HSPA12A: variants seen among roughly 807,000 people sequenced by gnomAD.
The protein encoded by HSPA12A is heat shock 70 kDa protein 12A.
A neutral mutation model predicts 69.2 loss-of-function variants in HSPA12A; 28 were observed. That is an observed-to-expected ratio of 0.40 (90% CI 0.30 to 0.55). The LOEUF (loss-of-function observed/expected upper bound fraction) is 0.55, where lower values mean the gene tolerates loss of function less well. Ranked by LOEUF, HSPA12A falls within the 20% of genes least tolerant of loss-of-function variation. The pLI is 0.38. For missense variants in HSPA12A, 686 were observed against 900.7 expected (o/e 0.76, Z 3.05); for synonymous variants, 345 against 370.5 (o/e 0.93, Z 0.79).
chr10:116,833,220 C>T (rs1223415699), intron 2 of HSPA12A: 1 of 152,226 alleles, frequency 6.6e-6, no homozygotes, highest in Non-Finnish European at 1.5e-5. Flanking sequence ...TTTGTGTGTG[C>T]TCAAGTGCTG....
chr10:116,679,424 C>T, intron 10 of HSPA12A, 79 bp downstream of exon 10: 1 of 1,549,522 alleles, frequency 6.5e-7, no homozygotes, highest in Non-Finnish European at 8.8e-7. Flanking sequence ...AACCCGAAGT[C>T]CACACTTCGC....
At chr10:116,785,043 G>A (rs546492792) in intron 2 of HSPA12A, among the ~76,000 whole-genome samples, 1 of 152,236 alleles carries the variant, frequency 6.6e-6, no homozygotes, top group East Asian at 1.9e-4. Flanking sequence ...CTAATAACAA[G>A]TTGAGGACCA....
upstream of HSPA12A, among the ~76,000 whole-genome samples, chr10:116,743,749 GC>G: frequency 6.6e-6 from 1 of 152,258 alleles, no homozygotes; most frequent in Admixed American, 6.5e-5. Flanking sequence ...TGCTGCGAGA[GC>G]CTGGAGACCA....
intron 2 of HSPA12A, among the ~76,000 whole-genome samples, chr10:116,754,265 C>G (rs924997001): frequency 1.1e-4 from 16 of 152,120 alleles, no homozygotes; most frequent in African/African-American, 3.4e-4. Context: ...ACCCATCCCC[C>G]CTCAGCTCAC....
At chr10:116,709,530 G>A (rs548522672) in intron 1 of HSPA12A, among the ~76,000 whole-genome samples, 1 of 151,478 alleles carries the variant, frequency 6.6e-6, no homozygotes, top group South Asian at 2.1e-4. Context: ...TAAAAAGGAA[G>A]AACATTCTTA....
chr10:116,699,624 C>T (rs965234444), intron 4 of HSPA12A, among the ~76,000 whole-genome samples: 13 of 152,180 alleles, frequency 8.5e-5, no homozygotes, highest in Admixed American at 2.0e-4. Context: ...GACCTATCTG[C>T]ACTTGCTCAC....
intron 2 of HSPA12A, among the ~76,000 whole-genome samples, chr10:116,811,933 G>A (rs1475564574): frequency 2.0e-5 from 3 of 152,198 alleles, no homozygotes; most frequent in Non-Finnish European, 4.4e-5. Context: ...CTCCCTCAAT[G>A]GCGGCGGTGA....
rs55642476 is a variant in HSPA12A at position 116,792,259 on chromosome 10, CAAAAAAAA to C, written c.91+42668_91+42675del. Among the ~76,000 whole-genome samples, 489 of 61,008 alleles carry C rather than the reference CAAAAAAAA, an allele frequency of 8.0e-3. 1 individual carries two copies. Among genetic ancestry groups the C allele is most frequent in the Middle Eastern group, 0.022 (1 of 46 alleles). 40.0% of individuals were successfully genotyped at this position (61,008 alleles called of 152,430 possible). On this transcript the variant is annotated intron_variant, in intron 2 of 12. Transcript: ENST00000635765. ...GGGCAACAAGAATGAAACTCGGTCT[CAAAAAAAA>C]AAAAAAAAAAAAAATTATCCATCAA...
intron 2 of HSPA12A, among the ~76,000 whole-genome samples, chr10:116,817,227 G>A (rs544755854): frequency 2.0e-5 from 3 of 152,154 alleles, no homozygotes; most frequent in East Asian, 3.9e-4. Flanking sequence ...CCAGTGGCTT[G>A]TGATTCCACC....
At chr10:116,780,164 C>A (rs1554891665) in intron 2 of HSPA12A, among the ~76,000 whole-genome samples, 1 of 152,172 alleles carries the variant, frequency 6.6e-6, no homozygotes, top group African/African-American at 2.4e-5. Flanking sequence ...CAGACCATCT[C>A]CTCCATCCTC....
chr10:116,735,884 C>A (rs1851301638), intron 1 of HSPA12A, among the ~76,000 whole-genome samples: 1 of 151,372 alleles, frequency 6.6e-6, no homozygotes, highest in African/African-American at 2.4e-5. Context: ...TTAGTCCCAG[C>A]TACCCACAAA....
At chr10:116,772,650 TTTTTC>T (rs1222393308) in intron 2 of HSPA12A, among the ~76,000 whole-genome samples, 4 of 152,036 alleles carry the variant, frequency 2.6e-5, no homozygotes, top group Non-Finnish European at 5.9e-5. Flanking sequence ...GTGGTTCTTC[TTTTTC>T]TTTTCCTTTC....
intron 2 of HSPA12A, among the ~76,000 whole-genome samples, chr10:116,765,104 A>G (rs1181659967): frequency 2.0e-5 from 3 of 152,162 alleles, no homozygotes; most frequent in African/African-American, 7.2e-5. Context: ...AATGCATGCT[A>G]CTGGGTACAT....
At chr10:116,705,344 TG>T in intron 2 of HSPA12A, 66 bp from the exon 3 acceptor site, 1 of 1,572,104 alleles carries the variant, frequency 6.4e-7, no homozygotes. Flanking sequence ...AAGACACCCC[TG>T]GGGGGTCTCA....
rs150445099 is a variant in HSPA12A at position 116,797,764 on chromosome 10, C to A, written c.91+37171G>T. 1.5e-3 allele frequency among the ~76,000 whole-genome samples: 227 copies of A among 151,900 alleles called. 2 individuals are homozygous for A. The highest frequency in any genetic ancestry group is 5.1e-3 in the African/African-American group (211 of 41,452). On this transcript the variant is annotated intron_variant, in intron 2 of 12. Transcript: ENST00000635765. ...GCTGTGTACGTGGCTCTGTGAGGGG[C>A]AGGGATGAACACATGAACACACCAC... is the stretch of plus-strand genomic sequence containing the variant.
At chr10:116,801,896 T>C (rs1405629118) in intron 2 of HSPA12A, among the ~76,000 whole-genome samples, 3 of 152,210 alleles carry the variant, frequency 2.0e-5, no homozygotes, top group Admixed American at 2.0e-4. Flanking sequence ...ACACCAAGTA[T>C]ACCCTTTTTT....
intron 2 of HSPA12A, among the ~76,000 whole-genome samples, chr10:116,785,668 C>T (rs1188406202): frequency 6.6e-6 from 1 of 152,142 alleles, no homozygotes; most frequent in African/African-American, 2.4e-5. Flanking sequence ...ATCCCTCTCT[C>T]TTCCTCTCGG....
rs1344197510 is a variant in HSPA12A, at chr10:116,681,276, C to T, written c.923-20G>A. 1 of 1,598,732 alleles carries T rather than the reference C, an allele frequency of 6.3e-7. No individual in the cohort carries two copies. The highest frequency in any genetic ancestry group is 1.3e-5 in the African/African-American group (1 of 74,636). ...TATCACCTGGCACAAAAACAGCCAT[C>T]TTTTACACAGACTGTTTGCCAACCC... is the stretch of plus-strand genomic sequence containing the variant. On this transcript the variant is annotated intron_variant, in intron 8 of 11. Coordinates refer to ENST00000369209, the MANE Select transcript of HSPA12A (RefSeq NM_025015.3).
At chr10:116,707,389 T>A in intron 1 of HSPA12A, 104 bp from the exon 2 acceptor site, 2 of 881,496 alleles carry the variant, frequency 2.3e-6, no homozygotes, top group Non-Finnish European at 3.6e-6. Context: ...CTGCGGCCTC[T>A]GCAAAGCCAG....
Sources: allele counts gnomAD v4.1 joint callset (sites outside exome capture counted in the v4.1 genomes callset), GRCh38; gene constraint gnomAD v4.1.1; transcripts MANE v1.5; gene names NCBI Gene and HGNC (gene_info 2026-07-23, HGNC 2026-07-21).